Variants in RNF19A observed in about 807,000 individuals in gnomAD.
The protein encoded by RNF19A is ring finger protein 19A, RBR E3 ubiquitin protein ligase.
In RNF19A, 32 loss-of-function variants were observed where a neutral mutation model predicts 75.7. That is an observed-to-expected ratio of 0.42 (90% CI 0.32 to 0.57). The LOEUF (loss-of-function observed/expected upper bound fraction) is 0.57, where lower values mean the gene tolerates loss of function less well. Among genes scored for constraint, RNF19A ranks in the 20% least tolerant of loss-of-function variants. The pLI is 0.10. For synonymous variants in RNF19A, 335 were observed against 345.2 expected (o/e 0.97, Z 0.33); for missense variants, 782 against 1,036.3 (o/e 0.75, Z 3.37).
intron 1 of RNF19A, among the ~76,000 whole-genome samples, chr8:100,302,355 G>C (rs1318358014): frequency 6.6e-6 from 1 of 152,206 alleles, no homozygotes; most frequent in Non-Finnish European, 1.5e-5. Context: ...TTTCCTGATG[G>C]ATTACAAGAG....
At position 100,321,965 on chromosome 8, in the gene RNF19A, C is replaced by T. The variant is rs73282777; in HGVS notation, c.-242-8593G>A. ...GCTTTGTTGTTCCGTTTCTAGAGCA[C>T]GTGTAAAGGAGGTTTAGCAAAATTC... On this transcript the variant is annotated intron_variant, in intron 1 of 3. Transcript: ENST00000519527. Among the ~76,000 whole-genome samples the T allele has an allele frequency of 5.3e-3, 792 of 150,290 alleles. 10 individuals carry two copies. Among genetic ancestry groups the T allele is most frequent in the African/African-American group, 0.019 (775 of 40,432 alleles).
At chr8:100,270,262 A>G (rs192393193) in intron 3 of RNF19A, among the ~76,000 whole-genome samples, 3 of 152,276 alleles carry the variant, frequency 2.0e-5, no homozygotes, top group Admixed American at 1.3e-4. Context: ...AAGAATAAAA[A>G]AAGAATAAAA....
Position 100,260,174 on chromosome 8 carries a change from C to A in RNF19A, c.1683-177G>T. The A allele has an allele frequency of 1.9e-6, 1 of 537,736 alleles. No homozygotes were observed. The highest frequency in any genetic ancestry group is 3.2e-6 in the Non-Finnish European group (1 of 315,448). The allele number at this position is 537,736 out of a possible 1,614,324, so 33.3% of individuals were successfully genotyped here. A position where few individuals can be genotyped will look rare whatever the true frequency, so the allele number is the denominator to read the frequency against. ...CTGCAGCACACTGCATAGTACCAGCCATCCAAATAAAATGGGGAACATCAG... is the reference window on the plus strand; with the variant it reads ...CTGCAGCACACTGCATAGTACCAGCAATCCAAATAAAATGGGGAACATCAG... On this transcript the variant is annotated intron_variant, in intron 8 of 9. Coordinates refer to ENST00000341084, the MANE Select transcript of RNF19A (RefSeq NM_183419.4). This position sits in a 1 kb window ranked among gnomAD's most constrained non-coding sequence, Gnocchi z 4.1.
intron 5 of RNF19A, among the ~76,000 whole-genome samples, chr8:100,267,072 A>T (rs1820017984): frequency 6.6e-6 from 1 of 152,210 alleles, no homozygotes; most frequent in Admixed American, 6.5e-5. Context: ...AAACGTAACA[A>T]TTTTGTAACA....
chr8:100,282,969 T>C (rs933673875), intron 2 of RNF19A, among the ~76,000 whole-genome samples: 2 of 152,166 alleles, frequency 1.3e-5, no homozygotes, highest in African/African-American at 2.4e-5. Flanking sequence ...ATTACCCAAA[T>C]GTATATGAGT....
In RNF19A at chr8:100,324,147, T is replaced by G. The variant is rs1219680497; in HGVS notation, c.-242-10775A>C. On this transcript the variant is annotated intron_variant, in intron 1 of 3. Transcript: ENST00000519527. The surrounding 1 kb of genome is among the most constrained non-coding windows in gnomAD (Gnocchi z 4.2). ...CACTGAAGCTGCTACTATAATTTAT[T>G]TTTTACAGCGGAGGAAGCCCAATCT... Among the ~76,000 whole-genome samples the G allele has an allele frequency of 6.6e-6, 1 of 152,212 alleles. No individual in the cohort carries two copies. The highest frequency in any genetic ancestry group is 1.5e-5 in the Non-Finnish European group (1 of 68,044).
At chr8:100,302,998 A>C (rs1370950234) in intron 1 of RNF19A, among the ~76,000 whole-genome samples, 3 of 152,236 alleles carry the variant, frequency 2.0e-5, no homozygotes, top group Non-Finnish European at 4.4e-5. Context: ...ATTCTAACGA[A>C]AGAGCTGTTT....
At chr8:100,328,022 G>T (rs1487067598) in intron 1 of RNF19A, among the ~76,000 whole-genome samples, 1 of 152,178 alleles carries the variant, frequency 6.6e-6, no homozygotes, top group Non-Finnish European at 1.5e-5. Context: ...ATGAGTCTGA[G>T]AACTCAGTTC....
At chr8:100,289,320 A>T (rs1428710686) in intron 1 of RNF19A, among the ~76,000 whole-genome samples, 1 of 152,190 alleles carries the variant, frequency 6.6e-6, no homozygotes, top group Non-Finnish European at 1.5e-5. Context: ...TAAACAGAAC[A>T]TACAAGAATA....
intron 1 of RNF19A, among the ~76,000 whole-genome samples, chr8:100,293,905 C>T (rs1420172823): frequency 6.6e-6 from 1 of 152,164 alleles, no homozygotes; most frequent in Non-Finnish European, 1.5e-5. Flanking sequence ...GTGAAATTTT[C>T]ATTTTAGATA....
At chr8:100,280,836 C>T (rs1364861901) in intron 2 of RNF19A, among the ~76,000 whole-genome samples, 3 of 152,182 alleles carry the variant, frequency 2.0e-5, no homozygotes, top group African/African-American at 2.4e-5. Context: ...TTGAAGATGA[C>T]GTTCCTTTTG....
intron 2 of RNF19A, among the ~76,000 whole-genome samples, chr8:100,280,373 TGAG>T (rs1210946479): frequency 6.6e-6 from 1 of 151,986 alleles, no homozygotes; most frequent in Non-Finnish European, 1.5e-5. Context: ...TGAAGAGAGA[TGAG>T]GAGAGAGGAA....
rs60110792 is a variant in RNF19A at position 100,303,761 on chromosome 8, T to TAA, written c.-94+6104_-94+6105dup. On this transcript the variant is annotated intron_variant, in intron 1 of 9. Coordinates refer to ENST00000341084, the MANE Select transcript of RNF19A (RefSeq NM_183419.4). ...CAACATGGCAAAACCTCGCCGCTTG[T>TAA]AAAAAAAAAAAAAAAAAAAAAAAAT... 5.6e-3 allele frequency among the ~76,000 whole-genome samples: 524 copies of TAA among 94,348 alleles called. 3 individuals carry two copies. The highest frequency in any genetic ancestry group is 0.018 in the African/African-American group (440 of 24,464). 61.9% of individuals were successfully genotyped at this position (94,348 alleles called of 152,430 possible).
intron 1 of RNF19A, chr8:100,309,249 GA>G (rs1822191165): frequency 1.1e-6 from 1 of 894,646 alleles, no homozygotes; most frequent in African/African-American, 1.8e-5. Flanking sequence ...ATTTTGGTGT[GA>G]TGTGTAATTT....
intron 1 of RNF19A, among the ~76,000 whole-genome samples, chr8:100,318,386 C>G (rs1343521139): frequency 6.6e-6 from 1 of 152,144 alleles, no homozygotes. Flanking sequence ...TTCTTCACTG[C>G]CTTCAGATTG....
At chr8:100,312,841 G>T (rs1480915958), upstream of RNF19A, among the ~76,000 whole-genome samples, 2 of 152,062 alleles carry the variant, frequency 1.3e-5, no homozygotes, top group African/African-American at 4.8e-5. Flanking sequence ...TGAGTCGCTT[G>T]AACCTGGGAG....
intron 1 of RNF19A, chr8:100,303,139 G>C (rs1821914878): frequency 6.6e-6 from 1 of 152,242 alleles, no homozygotes; most frequent in Non-Finnish European, 1.5e-5. Flanking sequence ...GTTGGCTTAA[G>C]ACAATGGACA....
chr8:100,265,843 T>C (rs1819949671), intron 5 of RNF19A, among the ~76,000 whole-genome samples: 1 of 152,184 alleles, frequency 6.6e-6, no homozygotes, highest in South Asian at 2.1e-4. Context: ...TAGAGGTTCC[T>C]TGTCAATGAG....
chr8:100,259,898 T>C lies in RNF19A; in HGVS notation c.1782A>G (p.Lys594=). The C allele has an allele frequency of 6.2e-7, 1 of 1,613,888 alleles. No homozygotes were observed. Among genetic ancestry groups the C allele is most frequent in the Non-Finnish European group, 8.5e-7 (1 of 1,179,774 alleles). ...AATTCAGAATGGATCCTGCCATTGC[T>C]TTGGTGCTGGCATTATCACTAACTG... The part of the protein sequence containing the change: ...LGTVSDNAST[K]AMAGSILNSY... The change falls in exon 9 of 10, where the codon AAA becomes AAG. Residue 594 remains lysine, a synonymous_variant. Coordinates refer to ENST00000341084, the MANE Select transcript of RNF19A (RefSeq NM_183419.4). This position sits in a 1 kb window ranked among gnomAD's most constrained non-coding sequence, Gnocchi z 4.5.
Sources: gnomAD v4.1 joint callset for allele counts (sites outside exome capture counted in the v4.1 genomes callset) on GRCh38, gnomAD v4.1.1 for gene constraint, Gnocchi (gnomAD v3.1) non-coding constraint, MANE v1.5 for transcripts, NCBI Gene and HGNC (gene_info 2026-07-23, HGNC 2026-07-21) for gene names.